Variants in SOD2 observed in about 807,000 individuals in gnomAD.
SOD2 encodes superoxide dismutase 2.
A neutral mutation model predicts 27.0 loss-of-function variants in SOD2; 11 were observed. That is an observed-to-expected ratio of 0.41 (90% CI 0.26 to 0.67). SOD2 has a LOEUF of 0.67. Among genes scored for constraint, SOD2 ranks in the 30% least tolerant of loss-of-function variants. The pLI, the probability that SOD2 is intolerant of heterozygous loss-of-function variation, is 0.34. For missense variants in SOD2, 250 were observed against 274.5 expected, an observed-to-expected ratio of 0.91 and a Z score of 0.63; for synonymous variants, 105 against 103.0, an observed-to-expected ratio of 1.02 and a Z score of -0.12.
chr6:159,702,169 T>C (rs1051891346), intron 1 of SOD2, among the ~76,000 whole-genome samples: 1 of 152,220 alleles, frequency 6.6e-6, no homozygotes, highest in Admixed American at 6.5e-5. Context: ...GCCTTTATGC[T>C]GCTACGCATT....
chr6:159,727,931 G>C (rs1484483583), upstream of SOD2, among the ~76,000 whole-genome samples: 1 of 152,258 alleles, frequency 6.6e-6, no homozygotes, highest in East Asian at 1.9e-4. Context: ...CCCGGGTTGA[G>C]AGGGGTGCTC....
rs1244675379 is a variant in SOD2 at position 159,669,335 on chromosome 6, A to G, written c.*13158T>C. ...TGTAAATGTCAGGTCCATTTGGTGT[A>G]AAGTGCAATTTAAATCCAATATTTA... On this transcript the variant is annotated 3_prime_UTR_variant, in exon 5 of 5. Coordinates refer to ENST00000538183, the MANE Select transcript of SOD2 (RefSeq NM_000636.4). 6.6e-6 allele frequency: 1 copy of G among 152,234 alleles called. No individual in the cohort carries two copies. Among genetic ancestry groups the G allele is most frequent in the Non-Finnish European group, 1.5e-5 (1 of 68,044 alleles). The allele number at this position is 152,234 out of a possible 1,614,324, so 9.4% of individuals were successfully genotyped here.
upstream of SOD2, chr6:159,727,714 G>T: frequency 1.0e-6 from 1 of 985,582 alleles, no homozygotes; most frequent in Non-Finnish European, 1.2e-6. Flanking sequence ...GTAGGCGCGG[G>T]CCGGCTGGCG....
chr6:159,727,219 G>A (rs1285975424), exon 1 of SOD2: 2 of 1,266,464 alleles, frequency 1.6e-6, no homozygotes, highest in African/African-American at 3.1e-5. Context: ...GCTCCATTGT[G>A]CCTCGAGGCC....
chr6:159,689,617 T>C (rs919485525), intron 2 of SOD2, among the ~76,000 whole-genome samples: 1 of 152,202 alleles, frequency 6.6e-6, no homozygotes, highest in Non-Finnish European at 1.5e-5. Flanking sequence ...TCAAGGAGCT[T>C]ACATTTTGGA....
intron 1 of SOD2, 87 bp from the exon 2 acceptor site, chr6:159,692,950 G>A (rs1423281350): frequency 2.2e-6 from 3 of 1,360,478 alleles, no homozygotes; most frequent in South Asian, 1.5e-5. Flanking sequence ...AGCGCGCGGC[G>A]TCCCCCGAGT....
upstream of SOD2, chr6:159,748,949 T>C: frequency 9.1e-7 from 1 of 1,101,220 alleles, no homozygotes; most frequent in South Asian, 4.5e-5. The surrounding 1 kb of genome is among the most constrained non-coding windows in gnomAD (Gnocchi z 5.6). Flanking sequence ...ATTTTGCCTT[T>C]AAAGGGTTTA....
At chr6:159,705,557 G>A (rs1307370733) in intron 1 of SOD2, among the ~76,000 whole-genome samples, 1 of 152,200 alleles carries the variant, frequency 6.6e-6, no homozygotes, top group Non-Finnish European at 1.5e-5. Flanking sequence ...GAAGCAAGAA[G>A]AGAAGTTAAG....
intron 4 of SOD2, among the ~76,000 whole-genome samples, chr6:159,683,410 G>C (rs1305351082): frequency 6.6e-6 from 1 of 152,102 alleles, no homozygotes; most frequent in Admixed American, 6.5e-5. Context: ...GCTTGAACCT[G>C]GGAGGCGGAA....
At chr6:159,687,879 C>T (rs570195736) in intron 3 of SOD2, among the ~76,000 whole-genome samples, 7 of 152,090 alleles carry the variant, frequency 4.6e-5, no homozygotes, top group Middle Eastern at 3.4e-3. Context: ...GGCGTGGTGG[C>T]GGGCGCCTGT....
chr6:159,678,113 G>C lies in SOD2; in HGVS notation c.*4380C>G, dbSNP rs1421967677. The C allele has an allele frequency of 2.6e-5, 4 of 152,176 alleles. No homozygotes were observed. The allele number at this position is 152,176 out of a possible 1,614,324, so 9.4% of individuals were successfully genotyped here. On this transcript the variant is annotated 3_prime_UTR_variant, in exon 5 of 5. Coordinates refer to ENST00000538183, the MANE Select transcript of SOD2 (RefSeq NM_000636.4). ...CCTCCGTAAAACCCCAAAGGGTCGG[G>C]GTCCAGATGAGCTTCTGGGTAGCTG...
intron 1 of SOD2, among the ~76,000 whole-genome samples, chr6:159,721,905 T>G (rs1778049431): frequency 6.6e-6 from 1 of 151,986 alleles, no homozygotes; most frequent in Non-Finnish European, 1.5e-5. Context: ...CATCTAAAGG[T>G]TTTGAAGTCC....
At chr6:159,739,108 T>G in intron 1 of SOD2, 1 of 1,296,412 alleles carries the variant, frequency 7.7e-7, no homozygotes, top group Non-Finnish European at 1.1e-6. Flanking sequence ...GACTCTACAC[T>G]GTAATTGTCT....
At chr6:159,726,951 G>T in intron 1 of SOD2, 2 of 1,287,760 alleles carry the variant, frequency 1.6e-6, no homozygotes, top group Non-Finnish European at 2.0e-6. Flanking sequence ...CATCACGGAT[G>T]AGCGTCACGA....
chr6:159,708,769 C>T (rs192187984), intron 1 of SOD2, among the ~76,000 whole-genome samples: 5,170 of 152,254 alleles, frequency 0.034, 315 homozygotes, highest in African/African-American at 0.12. Flanking sequence ...GAAAAAACTA[C>T]TTTAAAGTTC....
At chr6:159,726,963 C>T in intron 1 of SOD2, 1 of 1,284,494 alleles carries the variant, frequency 7.8e-7, no homozygotes, top group South Asian at 1.2e-5. Context: ...GCGTCACGAA[C>T]ACAGAGCGGC....
At chr6:159,748,668 G>A (rs1009342669), upstream of SOD2, 7 of 1,249,404 alleles carry the variant, frequency 5.6e-6, no homozygotes, top group African/African-American at 1.1e-4. This position sits in a 1 kb window ranked among gnomAD's most constrained non-coding sequence, Gnocchi z 5.6. Context: ...AGACACTTGA[G>A]AAATGTTTCT....
chr6:159,758,691 C>G (rs373690590), intron 1 of SOD2, among the ~76,000 whole-genome samples: 31 of 152,176 alleles, frequency 2.0e-4, no homozygotes, highest in African/African-American at 7.0e-4. Flanking sequence ...GAGTGTTGAG[C>G]TAGCCCCTAG....
intron 1 of SOD2, among the ~76,000 whole-genome samples, chr6:159,701,464 G>A (rs1172920951): frequency 6.6e-6 from 1 of 151,972 alleles, no homozygotes; most frequent in African/African-American, 2.4e-5. Context: ...CCAGCTACTT[G>A]GGAGGCTGAG....
Sources: allele counts gnomAD v4.1 joint callset (sites outside exome capture counted in the v4.1 genomes callset), GRCh38; gene constraint gnomAD v4.1.1; non-coding constraint Gnocchi (gnomAD v3.1); transcripts MANE v1.5; gene names NCBI Gene and HGNC (gene_info 2026-07-23, HGNC 2026-07-21).